Variants in INO80C observed in about 807,000 individuals in gnomAD.
INO80C encodes the protein INO80 complex subunit C.
In INO80C, 17 loss-of-function variants were observed where a neutral mutation model predicts 17.7. That is an observed-to-expected ratio of 0.96 (90% CI 0.66 to 1.44). The LOEUF is 1.44. Ranked by LOEUF, INO80C falls within the 40% of genes most tolerant of loss-of-function variation. The pLI is 0.00. For synonymous variants in INO80C, 96 were observed against 95.8 expected (o/e 1.00, Z -0.01); for missense variants, 244 against 245.0 (o/e 1.00, Z 0.03).
rs368883828 is a variant in INO80C at position 35,497,739 on chromosome 18, A to C, written c.136T>G (p.Ser46Ala). The change falls in exon 1 of 5, where the codon TCC becomes GCC. Residue 46 changes from serine to alanine, a missense_variant. By Grantham distance (99) the Ser-to-Ala change is moderately conservative (BLOSUM62 1). Coordinates refer to ENST00000334598, the MANE Select transcript of INO80C (RefSeq NM_194281.4). Reference sequence around the variant, plus strand: ...CGTACCTGCGCAAAGCTGGAAGCGGACGCTTTTTTCTTCTTACTGGCGCCA... The same window carrying C: ...CGTACCTGCGCAAAGCTGGAAGCGGCCGCTTTTTTCTTCTTACTGGCGCCA... ...GYGASKKKKA[S>A]ASSFAQGISM... 7 of 1,612,352 alleles carry C rather than the reference A, an allele frequency of 4.3e-6. No homozygotes were observed. The Admixed American group carries it at 6.7e-5, about 15-fold the overall frequency.
intron 1 of INO80C, among the ~76,000 whole-genome samples, chr18:35,494,773 C>T (rs2045964456): frequency 6.6e-6 from 1 of 152,200 alleles, no homozygotes; most frequent in African/African-American, 2.4e-5. Flanking sequence ...CCTACAGAAC[C>T]ATGAGCTACT....
At chr18:35,480,946 T>C (rs2045800207) in intron 1 of INO80C, among the ~76,000 whole-genome samples, 1 of 152,244 alleles carries the variant, frequency 6.6e-6, no homozygotes, top group Non-Finnish European at 1.5e-5. Flanking sequence ...CACATAGTGA[T>C]TGAGTTTTGG....
chr18:35,474,983 GAAGGGAAA>G (rs2045717652), intron 4 of INO80C, among the ~76,000 whole-genome samples: 1 of 152,114 alleles, frequency 6.6e-6, no homozygotes, highest in Admixed American at 6.5e-5. Context: ...AATCCTAGAA[GAAGGGAAA>G]AAGACAAGGC....
rs2045774608 is a variant in INO80C at position 35,479,137 on chromosome 18, G to A, written c.379+163C>T. ...ATAGGCTCAATACAGATACAGTTATGAGAAAATACACACATAATCTGCCCA... is the reference window on the plus strand; with the variant it reads ...ATAGGCTCAATACAGATACAGTTATAAGAAAATACACACATAATCTGCCCA... On this transcript the variant is annotated intron_variant, in intron 3 of 4. Transcript: ENST00000334598. The A allele has an allele frequency of 2.6e-5, 15 of 574,252 alleles. No homozygotes were observed. In the South Asian group the frequency reaches 3.3e-4, roughly 13 times the overall value. 35.6% of individuals were successfully genotyped at this position (574,252 alleles called of 1,614,324 possible).
At chr18:35,493,614 C>T (rs1015035041) in intron 1 of INO80C, among the ~76,000 whole-genome samples, 1 of 152,138 alleles carries the variant, frequency 6.6e-6, no homozygotes, top group African/African-American at 2.4e-5. Flanking sequence ...GAAAAATATT[C>T]CCTTCAACTC....
chr18:35,497,726 A>C lies in INO80C; in HGVS notation c.149T>G (p.Phe50Cys). 6.2e-7 allele frequency: 1 copy of C among 1,612,056 alleles called. No individual in the cohort carries two copies. The highest frequency in any genetic ancestry group is 8.5e-7 in the Non-Finnish European group (1 of 1,179,342). Reference sequence around the variant, plus strand: ...GGGAGCGCGACTGCGTACCTGCGCAAAGCTGGAAGCGGACGCTTTTTTCTT... The same window carrying C: ...GGGAGCGCGACTGCGTACCTGCGCACAGCTGGAAGCGGACGCTTTTTTCTT... ...SKKKKASASS[F>C]AQGISMEAMS... The change falls in exon 1 of 5, where the codon TTT becomes TGT. Residue 50 changes from phenylalanine (F) to cysteine (C), a missense_variant. By Grantham distance (205) the Phe-to-Cys change is radical. Transcript: ENST00000334598.
chr18:35,488,306 G>A (rs1454457024), intron 1 of INO80C, among the ~76,000 whole-genome samples: 1 of 152,206 alleles, frequency 6.6e-6, no homozygotes. Flanking sequence ...TTCTCTGTAA[G>A]GGCCCTGCCC....
intron 2 of INO80C, among the ~76,000 whole-genome samples, chr18:35,480,044 G>C (rs1174386466): frequency 3.9e-5 from 6 of 151,936 alleles, no homozygotes; most frequent in Non-Finnish European, 5.9e-5. Flanking sequence ...CCAGTCTCAA[G>C]AATGAAAGGA....
intron 1 of INO80C, among the ~76,000 whole-genome samples, chr18:35,481,021 C>G (rs2045801044): frequency 6.6e-6 from 1 of 152,210 alleles, no homozygotes; most frequent in Non-Finnish European, 1.5e-5. Flanking sequence ...ACAGTTCTGA[C>G]TTCCACTGAT....
chr18:35,478,375 ACT>A, intron 3 of INO80C, 26 bp from the exon 4 acceptor site: 7 of 1,445,724 alleles, frequency 4.8e-6, no homozygotes, highest in African/African-American at 1.4e-5. Flanking sequence ...AAAAAAGATA[ACT>A]AAACTGAACT....
chr18:35,482,437 G>A (rs1022774966), intron 1 of INO80C, among the ~76,000 whole-genome samples: 3 of 152,142 alleles, frequency 2.0e-5, no homozygotes, highest in Non-Finnish European at 2.9e-5. Flanking sequence ...GAGGAGTGGA[G>A]AAGACAAGAA....
chr18:35,475,538 C>T (rs917257055), intron 4 of INO80C, among the ~76,000 whole-genome samples: 1 of 152,092 alleles, frequency 6.6e-6, no homozygotes, highest in African/African-American at 2.4e-5. Context: ...GGCATGGTGG[C>T]ACACACCTGT....
intron 3 of INO80C, 135 bp from the exon 4 acceptor site, chr18:35,478,484 G>A (rs2045765073): frequency 1.2e-5 from 8 of 687,514 alleles, no homozygotes; most frequent in African/African-American, 1.8e-5. Context: ...AGAAGTCTCT[G>A]GAGATTAACT....
Position 35,468,569 on chromosome 18 carries a change from T to C in INO80C, c.*42A>G, listed in dbSNP as rs1359093998. 2.5e-6 allele frequency: 4 copies of C among 1,613,584 alleles called. No homozygotes were observed. Among genetic ancestry groups the C allele is most frequent in the Non-Finnish European group, 2.5e-6 (3 of 1,179,744 alleles). On this transcript the variant is annotated 3_prime_UTR_variant, in exon 5 of 5. Transcript: ENST00000334598. ...GAAACAAAATCATGAGTCCAGAGTC[T>C]GTTTTTGAAACAGCTTTCCACTTCA...
chr18:35,470,978 G>A lies in INO80C; in HGVS notation c.448-2236C>T, dbSNP rs143936105. On this transcript the variant is annotated intron_variant, in intron 4 of 4. Transcript: ENST00000334598. ...CTGTAGGGTGACAGGCAGTATTCAC[G>A]GCTTGCCCGTCTCACCCAGAATACA... Among the ~76,000 whole-genome samples, 736 of 152,302 alleles carry A rather than the reference G, an allele frequency of 4.8e-3. 7 individuals are homozygous for A. Among genetic ancestry groups the A allele is most frequent in the African/African-American group, 0.016 (679 of 41,568 alleles).
intron 1 of INO80C, 129 bp downstream of exon 1, chr18:35,497,590 A>G: frequency 7.0e-7 from 1 of 1,433,282 alleles, no homozygotes; most frequent in Non-Finnish European, 9.1e-7. Flanking sequence ...TCCGCGGGGC[A>G]GCGTCTTTCA....
chr18:35,469,354 CTCT>C (rs1414689279), intron 4 of INO80C, among the ~76,000 whole-genome samples: 4 of 152,216 alleles, frequency 2.6e-5, no homozygotes, highest in Admixed American at 2.6e-4. Context: ...GGCTCCTCTG[CTCT>C]TGGGACAAAG....
chr18:35,475,526 C>T (rs2045724842), intron 4 of INO80C, among the ~76,000 whole-genome samples: 1 of 152,004 alleles, frequency 6.6e-6, no homozygotes, highest in South Asian at 2.1e-4. Flanking sequence ...AAAAATTAGC[C>T]AGGCATGGTG....
intron 3 of INO80C, chr18:35,478,850 A>G (rs1598740783): frequency 1.1e-5 from 2 of 179,634 alleles, no homozygotes; most frequent in African/African-American, 4.8e-5. Context: ...AACAGAACAT[A>G]TAACAGTGTT....
Sources: gnomAD v4.1 joint callset for allele counts (sites outside exome capture counted in the v4.1 genomes callset) on GRCh38, gnomAD v4.1.1 for gene constraint, MANE v1.5 for transcripts, NCBI Gene and HGNC (gene_info 2026-07-23, HGNC 2026-07-21) for gene names.